FARP1: variants seen among roughly 807,000 people sequenced by gnomAD.
FARP1 encodes FERM, ARHGEF and pleckstrin domain-containing protein 1.
In FARP1, 52 loss-of-function variants were observed where a neutral mutation model predicts 128.8. The ratio of observed to expected loss-of-function variants is 0.40; its 90% CI spans 0.32 to 0.51. The LOEUF is 0.51. Among genes scored for constraint, FARP1 ranks in the 20% least tolerant of loss-of-function variants. The probability of loss-of-function intolerance (pLI) is 0.45; values close to 1 mark genes in which losing one functional copy is unlikely to be tolerated. For missense variants in FARP1, 1,333 were observed against 1,367.9 expected (o/e 0.97, Z 0.40); for synonymous variants, 580 against 551.8 (o/e 1.05, Z -0.72).
chr13:98,430,920 G>A, intron 17 of FARP1, 123 bp from the exon 18 acceptor site: 1 of 669,874 alleles, frequency 1.5e-6, no homozygotes, highest in South Asian at 1.9e-5. Context: ...GAAATTTAAG[G>A]AAATTAAACA....
chr13:98,288,636 C>A (rs1280005254), intron 2 of FARP1, among the ~76,000 whole-genome samples: 1 of 152,164 alleles, frequency 6.6e-6, no homozygotes, highest in African/African-American at 2.4e-5. Flanking sequence ...TCATTTTATC[C>A]TTAGTGTCTG....
chr13:98,381,534 AT>A (rs1385777065), intron 6 of FARP1: 2 of 152,068 alleles, frequency 1.3e-5, no homozygotes, highest in African/African-American at 4.8e-5. Context: ...ATTTTCTCTA[AT>A]TTATTTTGGA....
intron 2 of FARP1, among the ~76,000 whole-genome samples, chr13:98,298,232 G>A (rs891872250): frequency 1.3e-5 from 2 of 152,148 alleles, no homozygotes; most frequent in Non-Finnish European, 2.9e-5. Context: ...TCAAGGCTTG[G>A]TTATCCCATT....
chr13:98,312,538 C>A (rs1188779323), intron 2 of FARP1, among the ~76,000 whole-genome samples: 1 of 152,132 alleles, frequency 6.6e-6, no homozygotes, highest in Non-Finnish European at 1.5e-5. Flanking sequence ...TGGATTTATT[C>A]TAGCATTTCA....
At chr13:98,360,090 CTTTTTTTTTTTTT>C (rs55859311) in intron 3 of FARP1, among the ~76,000 whole-genome samples, 2 of 104,604 alleles carry the variant, frequency 1.9e-5, no homozygotes, top group East Asian at 3.3e-4. Flanking sequence ...GATTGTGTTG[CTTTTTTTTTTTTT>C]TTTTTTTTTT....
intron 16 of FARP1, among the ~76,000 whole-genome samples, chr13:98,420,149 G>C (rs1021228298): frequency 4.6e-5 from 7 of 152,168 alleles, no homozygotes; most frequent in Admixed American, 2.0e-4. Flanking sequence ...CTGTTTATCT[G>C]ATGTTCTAAA....
chr13:98,266,341 A>G (rs185908597), intron 2 of FARP1, among the ~76,000 whole-genome samples: 3 of 152,306 alleles, frequency 2.0e-5, no homozygotes, highest in East Asian at 1.9e-4. Flanking sequence ...CAGTTCGGCC[A>G]CATACTAGCT....
intron 1 of FARP1, among the ~76,000 whole-genome samples, chr13:98,189,932 C>T (rs951461472): frequency 6.6e-6 from 1 of 152,108 alleles, no homozygotes; most frequent in African/African-American, 2.4e-5. Context: ...ACATTTTTAC[C>T]TTTTTCATGC....
chr13:98,424,755 ATTT>A, intron 17 of FARP1, 105 bp downstream of exon 17: 2 of 784,828 alleles, frequency 2.5e-6, no homozygotes, highest in South Asian at 2.9e-5. Context: ...GCATCACCTG[ATTT>A]GACTCTCTAC....
chr13:98,238,902 C>T (rs7325965), intron 2 of FARP1, among the ~76,000 whole-genome samples: 1,854 of 152,176 alleles, frequency 0.012, 40 homozygotes, highest in African/African-American at 0.043. Context: ...GGTCTGTGCG[C>T]CAACCCCCAC....
At chr13:98,223,359 C>G (rs1881546254) in intron 2 of FARP1, among the ~76,000 whole-genome samples, 1 of 152,238 alleles carries the variant, frequency 6.6e-6, no homozygotes, top group Non-Finnish European at 1.5e-5. Flanking sequence ...CAGAGTCTTG[C>G]TCTGTCACCA....
intron 1 of FARP1, among the ~76,000 whole-genome samples, chr13:98,153,282 T>G (rs1856119370): frequency 1.5e-5 from 1 of 64,790 alleles, no homozygotes; most frequent in African/African-American, 5.0e-5. Flanking sequence ...TTTATATATA[T>G]ATAAAATATA....
rs1468669479 is a variant in FARP1, at chr13:98,446,721, C to T, written c.2960C>T (p.Ser987Phe). 2 of 1,614,096 alleles carry T rather than the reference C, an allele frequency of 1.2e-6. No individual in the cohort carries two copies. The highest frequency in any genetic ancestry group is 2.7e-5 in the African/African-American group (2 of 74,944). Residue 987 changes from serine to phenylalanine, a missense_variant, in exon 26 of 27, where the codon TCT (serine) becomes TTT (phenylalanine). Coordinates refer to ENST00000319562, the MANE Select transcript of FARP1 (RefSeq NM_005766.4). ...PLLGYSLTIP[S>F]ESENIQKDYV... ...CTCGGCTACTCGCTCACCATCCCCT[C>T]TGAGTCCGAGAACATCCAGAAAGAC...
intron 24 of FARP1, among the ~76,000 whole-genome samples, chr13:98,441,734 C>T (rs1892533057): frequency 6.6e-6 from 1 of 152,114 alleles, no homozygotes; most frequent in Admixed American, 6.5e-5. Flanking sequence ...GTTCTGGTTT[C>T]AATGACCCGC....
At chr13:98,394,139 TC>T (rs1890418932) in intron 12 of FARP1, among the ~76,000 whole-genome samples, 1 of 152,158 alleles carries the variant, frequency 6.6e-6, no homozygotes, top group Non-Finnish European at 1.5e-5. Flanking sequence ...ACAGAACTGG[TC>T]GGCGAGTTCC....
intron 2 of FARP1, among the ~76,000 whole-genome samples, chr13:98,314,425 G>T (rs546896709): frequency 6.6e-6 from 1 of 151,558 alleles, no homozygotes; most frequent in Non-Finnish European, 1.5e-5. Flanking sequence ...GACTACAGGC[G>T]TGTGCCACCA....
At chr13:98,165,710 G>GTTTTTTTTTTTT (rs71111927) in intron 1 of FARP1, among the ~76,000 whole-genome samples, 14 of 74,122 alleles carry the variant, frequency 1.9e-4, no homozygotes, top group South Asian at 5.7e-4. Flanking sequence ...TCCAGAAGGG[G>GTTTTTTTTTTTT]TTTTTTTTTT....
intron 2 of FARP1, among the ~76,000 whole-genome samples, chr13:98,331,072 T>C (rs1887488798): frequency 6.6e-6 from 1 of 152,240 alleles, no homozygotes; most frequent in African/African-American, 2.4e-5. Flanking sequence ...TTACAGAATC[T>C]GTGTTGTAAA....
rs12586088 is a variant in FARP1, at chr13:98,364,146, A to T, written c.277-1249A>T. Among the ~76,000 whole-genome samples, 423 of 152,360 alleles carry T rather than the reference A, an allele frequency of 2.8e-3. 14 individuals carry two copies. The East Asian group carries it at 0.077, about 28-fold the overall frequency. On this transcript the variant is annotated intron_variant, in intron 3 of 26. Coordinates refer to ENST00000319562, the MANE Select transcript of FARP1 (RefSeq NM_005766.4). ...TGTTTACGATGATAAAAATGCTGCA[A>T]TTAGTATTCCTTGTGTGTGCAGAAA...
Sources: gnomAD v4.1 joint callset for allele counts (sites outside exome capture counted in the v4.1 genomes callset) on GRCh38, gnomAD v4.1.1 for gene constraint, MANE v1.5 for transcripts, NCBI Gene and HGNC (gene_info 2026-07-23, HGNC 2026-07-21) for gene names.